Variants in PEPD observed in about 807,000 individuals in gnomAD.
PEPD encodes the protein peptidase D, also known as xaa-Pro dipeptidase.
In PEPD, 53 loss-of-function variants were observed where a neutral mutation model predicts 60.7. That is an observed-to-expected ratio of 0.87 (90% CI 0.70 to 1.10). PEPD has a LOEUF of 1.10. Among genes scored for constraint, PEPD ranks in the 50% least tolerant of loss-of-function variants. PEPD has a pLI of 0.00. For synonymous variants in PEPD, 267 were observed against 284.1 expected, an observed-to-expected ratio of 0.94 and a Z score of 0.60; for missense variants, 711 against 711.9, an observed-to-expected ratio of 1.00 and a Z score of 0.01.
At chr19:33,482,298 A>G (rs1970325738) in intron 6 of PEPD, among the ~76,000 whole-genome samples, 1 of 152,216 alleles carries the variant, frequency 6.6e-6, no homozygotes, top group Admixed American at 6.5e-5. Context: ...ACAAAAAGAA[A>G]TCAATGTAAC....
intron 9 of PEPD, among the ~76,000 whole-genome samples, chr19:33,435,435 C>T (rs1388761026): frequency 6.6e-6 from 1 of 152,236 alleles, no homozygotes; most frequent in East Asian, 1.9e-4. Context: ...CCTGTCACTT[C>T]CGGCTGCCCG....
rs7245772 is a variant in PEPD at position 33,396,133 on chromosome 19, G to A, written c.968-4654C>T. 64,284 of 152,258 alleles carry A rather than the reference G, an allele frequency of 0.42. 14,139 individuals are homozygous for A. Among genetic ancestry groups the A allele is most frequent in the African/African-American group, 0.52 (21,508 of 41,490 alleles). 9.4% of individuals were successfully genotyped at this position (152,258 alleles called of 1,614,324 possible). On this transcript the variant is annotated intron_variant, in intron 12 of 14. Transcript: ENST00000244137. ...GGGTGGACATGGTGCCCACACTGAA[G>A]ACAGTCCTCCCCGTCCTGGCACCTG...
intron 6 of PEPD, among the ~76,000 whole-genome samples, chr19:33,485,193 C>T (rs977735742): frequency 1.3e-5 from 2 of 152,068 alleles, no homozygotes; most frequent in African/African-American, 4.8e-5. Context: ...CCATGGGTCA[C>T]AATTAGAAAG....
At chr19:33,500,806 C>T (rs529099697) in intron 4 of PEPD, 132 bp downstream of exon 4, 11 of 757,026 alleles carry the variant, frequency 1.5e-5, no homozygotes, top group East Asian at 1.2e-4. Flanking sequence ...GCACCTGCGG[C>T]GCAGGGACTG....
intron 4 of PEPD, among the ~76,000 whole-genome samples, chr19:33,495,473 G>A (rs33827): frequency 0.11 from 17,238 of 149,916 alleles, 1,321 homozygotes; most frequent in East Asian, 0.26. Flanking sequence ...ACTCCAGCCT[G>A]TTGGGTGACA....
intron 11 of PEPD, 54 bp downstream of exon 11, chr19:33,411,618 C>T: frequency 9.9e-7 from 1 of 1,008,126 alleles, no homozygotes; most frequent in Non-Finnish European, 1.6e-6. Context: ...GAAGTTGAGT[C>T]CAACCTTGGC....
Position 33,399,256 on chromosome 19 carries a change from A to G in PEPD, c.967+2465T>C, listed in dbSNP as rs368253262. 1.6e-4 allele frequency among the ~76,000 whole-genome samples: 25 copies of G among 152,318 alleles called. 1 individual carries two copies. Among genetic ancestry groups the G allele is most frequent in the East Asian group, 9.7e-4 (5 of 5,172 alleles). ...CGCCCGCCTCCCAAGTGCTGGGATT[A>G]TAAGTGTGAGCCACAGAGCCCGGCC... On this transcript the variant is annotated intron_variant, in intron 12 of 14. Coordinates refer to ENST00000244137, the MANE Select transcript of PEPD (RefSeq NM_000285.4).
intron 6 of PEPD, among the ~76,000 whole-genome samples, chr19:33,481,023 A>C (rs1031721310): frequency 2.6e-5 from 4 of 152,160 alleles, no homozygotes; most frequent in African/African-American, 9.7e-5. Flanking sequence ...AATGGAATGA[A>C]ATAAGAAATC....
intron 7 of PEPD, among the ~76,000 whole-genome samples, chr19:33,465,532 A>G (rs1216621285): frequency 1.3e-5 from 2 of 151,884 alleles, no homozygotes; most frequent in Non-Finnish European, 2.9e-5. Flanking sequence ...TCTGGGGGCC[A>G]CTCCAGCACC....
chr19:33,510,973 C>T, intron 3 of PEPD, 55 bp downstream of exon 3: 2 of 1,481,042 alleles, frequency 1.4e-6, no homozygotes, highest in South Asian at 2.3e-5. Flanking sequence ...ACCTCCCCTA[C>T]CCACCCCCAG....
chr19:33,498,130 C>T (rs1970643237), intron 4 of PEPD, among the ~76,000 whole-genome samples: 1 of 152,026 alleles, frequency 6.6e-6, no homozygotes, highest in Non-Finnish European at 1.5e-5. Context: ...ACGTGGGCCG[C>T]CCCAGCATGA....
intron 9 of PEPD, among the ~76,000 whole-genome samples, chr19:33,430,080 G>C (rs1046054436): frequency 2.0e-5 from 3 of 152,214 alleles, no homozygotes; most frequent in Non-Finnish European, 4.4e-5. Flanking sequence ...GCTCCTCTAA[G>C]ACCCATCTGT....
At chr19:33,396,991 C>T (rs1425046243) in intron 12 of PEPD, among the ~76,000 whole-genome samples, 1 of 152,154 alleles carries the variant, frequency 6.6e-6, no homozygotes, top group African/African-American at 2.4e-5. Context: ...ACCATGCATG[C>T]AGGGGTCTGC....
In PEPD at chr19:33,413,458, G is replaced by A. The variant is rs1333400339; in HGVS notation, c.740+117C>T. On this transcript the variant is annotated intron_variant, in intron 10 of 14. Coordinates refer to ENST00000244137, the MANE Select transcript of PEPD (RefSeq NM_000285.4). ...TTCCAAGCTTGGGCCGGGCGCTGGTGTGGGCGTGTGAGTGAGCAAGTGTGG... is the reference window on the plus strand; with the variant it reads ...TTCCAAGCTTGGGCCGGGCGCTGGTATGGGCGTGTGAGTGAGCAAGTGTGG... 8 of 690,322 alleles carry A rather than the reference G, an allele frequency of 1.2e-5. No individual in the cohort carries two copies. In the Admixed American group the frequency reaches 1.2e-4, roughly 11 times the overall value. 42.8% of individuals were successfully genotyped at this position (690,322 alleles called of 1,614,324 possible). A position where few individuals can be genotyped will look rare whatever the true frequency, so the allele number is the denominator to read the frequency against.
At chr19:33,505,050 A>T (rs1365230010) in intron 3 of PEPD, among the ~76,000 whole-genome samples, 1 of 152,140 alleles carries the variant, frequency 6.6e-6, no homozygotes, top group Non-Finnish European at 1.5e-5. Flanking sequence ...TGGGAAGGAG[A>T]CATTAAATTA....
At chr19:33,401,667 C>T in intron 12 of PEPD, 54 bp downstream of exon 12, 2 of 1,541,176 alleles carry the variant, frequency 1.3e-6, no homozygotes, top group Non-Finnish European at 1.8e-6. Flanking sequence ...TGCCACATAG[C>T]AGCGCCCCCA....
chr19:33,418,653 G>A (rs932995940), intron 9 of PEPD, among the ~76,000 whole-genome samples: 1 of 152,204 alleles, frequency 6.6e-6, no homozygotes, highest in Non-Finnish European at 1.5e-5. Flanking sequence ...CAACTCCCAG[G>A]CAGGTCCTGG....
chr19:33,463,336 C>T (rs530496187), intron 8 of PEPD, among the ~76,000 whole-genome samples: 22 of 152,186 alleles, frequency 1.4e-4, no homozygotes, highest in African/African-American at 3.4e-4. Context: ...GATTTAACCA[C>T]GAGGTGCTTG....
At chr19:33,484,436 G>A (rs1255076905) in intron 6 of PEPD, among the ~76,000 whole-genome samples, 1 of 152,142 alleles carries the variant, frequency 6.6e-6, no homozygotes, top group Admixed American at 6.5e-5. Flanking sequence ...CATAGACACA[G>A]ATGCACACAC....
Sources: allele counts gnomAD v4.1 joint callset (sites outside exome capture counted in the v4.1 genomes callset), GRCh38; gene constraint gnomAD v4.1.1; transcripts MANE v1.5; gene names NCBI Gene and HGNC (gene_info 2026-07-23, HGNC 2026-07-21).